Variants in PALLD observed in about 807,000 individuals in gnomAD.
PALLD encodes palladin, cytoskeletal associated protein, also known as palladin.
A neutral mutation model predicts 123.5 loss-of-function variants in PALLD; 61 were observed. That is an observed-to-expected ratio of 0.49 (90% CI 0.40 to 0.61). The LOEUF is 0.61. Ranked by LOEUF, PALLD falls within the 20% of genes least tolerant of loss-of-function variation. The probability of loss-of-function intolerance (pLI) is 0.00; values close to 1 mark genes in which losing one functional copy is unlikely to be tolerated. For synonymous variants in PALLD, 465 were observed against 496.4 expected (o/e 0.94, Z 0.84); for missense variants, 1,273 against 1,377.0 (o/e 0.92, Z 1.20).
At position 168,673,206 on chromosome 4, in the gene PALLD, G is replaced by C. The variant is rs533202800; in HGVS notation, c.1087+4838G>C. 1.2e-4 allele frequency among the ~76,000 whole-genome samples: 19 copies of C among 152,324 alleles called. No homozygotes were observed. In the South Asian group the frequency reaches 2.7e-3, roughly 22 times the overall value. ...CATCACTGCACGAACACTCCAGAAG[G>C]GGGGCAGAGTAACCCAGTAAACTCA... On this transcript the variant is annotated intron_variant, in intron 3 of 21. Coordinates refer to ENST00000505667, the MANE Select transcript of PALLD (RefSeq NM_001166108.2).
In PALLD at chr4:168,858,963, G is replaced by A. The variant is rs570247025; in HGVS notation, c.1965-31959G>A. Among the ~76,000 whole-genome samples, 8 of 152,170 alleles carry A rather than the reference G, an allele frequency of 5.3e-5. No homozygotes were observed. In the South Asian group the frequency reaches 1.0e-3, roughly 20 times the overall value. ...CTCTAAATATAAAAATAGTCGGTGC[G>A]TCTTAAGACAGTAGACTATCATTTT... On this transcript the variant is annotated intron_variant, in intron 10 of 21. Transcript: ENST00000505667.
At chr4:168,796,177 C>G (rs142259674) in intron 10 of PALLD, among the ~76,000 whole-genome samples, 1 of 152,158 alleles carries the variant, frequency 6.6e-6, no homozygotes, top group Non-Finnish European at 1.5e-5. Context: ...CATCAACCAC[C>G]CTCACCTCCC....
intron 10 of PALLD, among the ~76,000 whole-genome samples, chr4:168,794,468 A>G (rs1311713270): frequency 6.6e-6 from 1 of 150,448 alleles, no homozygotes; most frequent in Non-Finnish European, 1.5e-5. Flanking sequence ...GCACAGACGT[A>G]CGTGCACACG....
intron 5 of PALLD, among the ~76,000 whole-genome samples, chr4:168,683,931 A>C (rs1469254621): frequency 6.6e-6 from 1 of 152,216 alleles, no homozygotes; most frequent in East Asian, 1.9e-4. Context: ...CAAACAGTAG[A>C]GAGAAGACAT....
chr4:168,509,908 T>A (rs932507573), intron 1 of PALLD, among the ~76,000 whole-genome samples: 2 of 152,224 alleles, frequency 1.3e-5, no homozygotes, highest in African/African-American at 4.8e-5. Flanking sequence ...GCTGGATTTC[T>A]ACAACCCCCT....
intron 10 of PALLD, among the ~76,000 whole-genome samples, chr4:168,764,416 A>T (rs1431926039): frequency 5.3e-5 from 8 of 152,096 alleles, no homozygotes; most frequent in African/African-American, 9.7e-5. Context: ...ATTTAAAAAA[A>T]TTTTTTTAGA....
chr4:168,605,532 C>G (rs988803182), intron 2 of PALLD, among the ~76,000 whole-genome samples: 1 of 152,100 alleles, frequency 6.6e-6, no homozygotes, highest in Non-Finnish European at 1.5e-5. Flanking sequence ...AGAAGACAGG[C>G]CCATGTTGAA....
At chr4:168,641,027 T>C (rs1415074974) in intron 2 of PALLD, among the ~76,000 whole-genome samples, 1 of 152,012 alleles carries the variant, frequency 6.6e-6, no homozygotes, top group Non-Finnish European at 1.5e-5. Context: ...GCTAACACAG[T>C]GAAACCCCGT....
chr4:168,812,924 G>T (rs568777654), intron 10 of PALLD, among the ~76,000 whole-genome samples: 1 of 152,076 alleles, frequency 6.6e-6, no homozygotes, highest in Non-Finnish European at 1.5e-5. Context: ...AATTTGTACT[G>T]GTCCCCAGCC....
chr4:168,747,157 A>T (rs1371855085), intron 10 of PALLD, among the ~76,000 whole-genome samples: 1 of 152,222 alleles, frequency 6.6e-6, no homozygotes, highest in East Asian at 1.9e-4. Flanking sequence ...TGTAATTACT[A>T]CTATTTATCT....
chr4:168,503,279 T>C (rs1305362049), intron 1 of PALLD, among the ~76,000 whole-genome samples: 1 of 152,124 alleles, frequency 6.6e-6, no homozygotes, highest in Non-Finnish European at 1.5e-5. Flanking sequence ...GCAAATTATA[T>C]TGATTGGGGA....
intron 10 of PALLD, among the ~76,000 whole-genome samples, chr4:168,850,029 T>C (rs1581753781): frequency 1.3e-5 from 2 of 152,222 alleles, no homozygotes; most frequent in East Asian, 3.8e-4. Flanking sequence ...TGTATTTCCT[T>C]AATTTTTAAA....
chr4:168,926,477 C>A lies in PALLD; in HGVS notation c.*297C>A. The A allele has an allele frequency of 2.4e-6, 2 of 825,578 alleles. No individual in the cohort carries two copies. Among genetic ancestry groups the A allele is most frequent in the Non-Finnish European group, 3.6e-6 (2 of 556,346 alleles). The allele number at this position is 825,578 out of a possible 1,614,324, so 51.1% of individuals were successfully genotyped here. A position where few individuals can be genotyped will look rare whatever the true frequency, so the allele number is the denominator to read the frequency against. On this transcript the variant is annotated 3_prime_UTR_variant, in exon 22 of 22. Transcript: ENST00000505667. ...ACATTATGTAAAAGGCAGAAACATA[C>A]CTTTGACTATAAGAAATTAAAAAAA... is the stretch of plus-strand genomic sequence containing the variant.
intron 8 of PALLD, among the ~76,000 whole-genome samples, chr4:168,698,607 C>A (rs554305955): frequency 1.3e-5 from 2 of 152,156 alleles, no homozygotes; most frequent in African/African-American, 4.8e-5. Context: ...TGAGGCCCCA[C>A]CAGACTGCTC....
intron 3 of PALLD, among the ~76,000 whole-genome samples, chr4:168,679,375 G>GGT (rs142511113): frequency 1.9e-4 from 22 of 118,414 alleles, no homozygotes; most frequent in South Asian, 2.8e-4. Flanking sequence ...GATGTGTGTG[G>GGT]GTGTGTGTGT....
chr4:168,899,253 A>G (rs1297508765), intron 14 of PALLD, among the ~76,000 whole-genome samples: 1 of 152,228 alleles, frequency 6.6e-6, no homozygotes, highest in African/African-American at 2.4e-5. Flanking sequence ...GATGACCTGG[A>G]TGGGAGCTCT....
At chr4:168,806,934 A>AT in intron 10 of PALLD, among the ~76,000 whole-genome samples, 1 of 152,196 alleles carries the variant, frequency 6.6e-6, no homozygotes, top group Non-Finnish European at 1.5e-5. Context: ...ACACATACAT[A>AT]TATGTAGTTT....
At chr4:168,804,237 C>T (rs761500178) in intron 10 of PALLD, among the ~76,000 whole-genome samples, 39 of 152,226 alleles carry the variant, frequency 2.6e-4, no homozygotes, top group Non-Finnish European at 2.1e-4. Flanking sequence ...CTGCAACTAA[C>T]ATGCAGCACT....
In PALLD at chr4:168,926,495, TAAAAAA is replaced by T; in HGVS notation, c.*320_*325del. On this transcript the variant is annotated 3_prime_UTR_variant, in exon 22 of 22. Transcript: ENST00000505667. ...AAACATACCTTTGACTATAAGAAAT[TAAAAAA>T]AAAACACCAAAATAATATTTTTCTT... 5 of 607,006 alleles carry T rather than the reference TAAAAAA, an allele frequency of 8.2e-6. No individual in the cohort carries two copies. Among genetic ancestry groups the T allele is most frequent in the Non-Finnish European group, 1.3e-5 (5 of 372,430 alleles). The allele number at this position is 607,006 out of a possible 1,614,324, so 37.6% of individuals were successfully genotyped here. A position where few individuals can be genotyped will look rare whatever the true frequency, so the allele number is the denominator to read the frequency against.
Sources: allele counts gnomAD v4.1 joint callset (sites outside exome capture counted in the v4.1 genomes callset), GRCh38; gene constraint gnomAD v4.1.1; transcripts MANE v1.5; gene names NCBI Gene and HGNC (gene_info 2026-07-23, HGNC 2026-07-21).